SLFN14: variants seen among roughly 807,000 people sequenced by gnomAD.
SLFN14 encodes the protein schlafen family member 14, also known as protein SLFN14.
A neutral mutation model predicts 58.6 loss-of-function variants in SLFN14; 47 were observed. The observed-to-expected ratio is 0.80, with a 90% CI of 0.64 to 1.02. The LOEUF (loss-of-function observed/expected upper bound fraction) is 1.02. Among genes scored for constraint, SLFN14 ranks in the 50% least tolerant of loss-of-function variants. The pLI, the probability that SLFN14 is intolerant of heterozygous loss-of-function variation, is 0.00. For missense variants in SLFN14, 967 were observed against 1,078.4 expected, an observed-to-expected ratio of 0.90 and a Z score of 1.45; for synonymous variants, 390 against 387.3, an observed-to-expected ratio of 1.01 and a Z score of -0.08.
rs1308439580 is a variant in SLFN14 at position 35,547,117 on chromosome 17, G to A, written c.*1122C>T. Among the ~76,000 whole-genome samples the A allele has an allele frequency of 6.6e-6, 1 of 152,130 alleles. No individual in the cohort carries two copies. Among genetic ancestry groups the A allele is most frequent in the Non-Finnish European group, 1.5e-5 (1 of 68,014 alleles). ...TAGGCAAAATTTGTATATGTTGGGG[G>A]CAGTAAGGAGAGGGTTGGTGGTGAA... On this transcript the variant is annotated 3_prime_UTR_variant, in exon 6 of 6. Coordinates refer to ENST00000674182, the MANE Select transcript of SLFN14 (RefSeq NM_001129820.2).
Position 35,553,024 on chromosome 17 carries a change from T to A in SLFN14, c.1610A>T (p.Asp537Val). The A allele has an allele frequency of 1.9e-6, 3 of 1,551,550 alleles. No homozygotes were observed. The highest frequency in any genetic ancestry group is 2.6e-6 in the Non-Finnish European group (3 of 1,146,956). ...CAGCAAGTCTTCCATTTCCTCCTCA[T>A]CAGCAAGCCTGTAGGACCTGGGGTA... The part of the protein sequence containing the change: ...LRYPRSYRLA[D>V]EEEMEDLLQA... Residue 537 changes from aspartate to valine, a missense_variant, in exon 5 of 6, where the codon GAT (aspartate) becomes GTT (valine). Asp to Val is a radical substitution (Grantham distance 152). Transcript: ENST00000674182.
Position 35,548,626 on chromosome 17 carries a change from C to T in SLFN14, c.2352G>A (p.Glu784=). 6.4e-7 allele frequency: 1 copy of T among 1,551,772 alleles called. No individual in the cohort carries two copies. Among genetic ancestry groups the T allele is most frequent in the Non-Finnish European group, 8.7e-7 (1 of 1,147,010 alleles). ...GTTCTGTTGTCAGATTAGTCTTTGTCTCACACACCCCAGGCAGAGCCTGGG... is the reference window on the plus strand; with the variant it reads ...GTTCTGTTGTCAGATTAGTCTTTGTTTCACACACCCCAGGCAGAGCCTGGG... ...TCAQALPGVC[E]TKTNLTTEQI... The change falls in exon 6 of 6, where the codon GAG becomes GAA. Residue 784 remains glutamate (E), a synonymous_variant. Coordinates refer to ENST00000674182, the MANE Select transcript of SLFN14 (RefSeq NM_001129820.2).
At chr17:35,552,623 T>C (rs1361472376) in intron 5 of SLFN14, 107 bp downstream of exon 5, 2 of 364,854 alleles carry the variant, frequency 5.5e-6, no homozygotes, top group South Asian at 1.1e-4. Context: ...TGTATATATA[T>C]ACACATATAT....
rs1479216278 is a variant in SLFN14 at position 35,547,339 on chromosome 17, G to C, written c.*900C>G. 6.6e-6 allele frequency among the ~76,000 whole-genome samples: 1 copy of C among 152,200 alleles called. No individual in the cohort carries two copies. Among genetic ancestry groups the C allele is most frequent in the Non-Finnish European group, 1.5e-5 (1 of 68,030 alleles). ...TATTTTATATTAAGTTGGTGCAAAA[G>C]TAATTGTGGCTTTTGCACTTTTGCA... is the stretch of plus-strand genomic sequence containing the variant. On this transcript the variant is annotated 3_prime_UTR_variant, in exon 6 of 6. Transcript: ENST00000674182.
At chr17:35,556,152 C>T (rs530537022) in intron 3 of SLFN14, among the ~76,000 whole-genome samples, 1 of 152,068 alleles carries the variant, frequency 6.6e-6, no homozygotes, top group Non-Finnish European at 1.5e-5. Context: ...ATCCTCCCAC[C>T]TCAGCCTCCC....
chr17:35,560,035 A>C (rs1414742258), intron 1 of SLFN14, among the ~76,000 whole-genome samples: 1 of 152,182 alleles, frequency 6.6e-6, no homozygotes. Flanking sequence ...AACAAGTTGC[A>C]AACCTCCAGC....
At position 35,548,655 on chromosome 17, in the gene SLFN14, A is replaced by G; in HGVS notation, c.2323T>C (p.Cys775Arg). 1 of 1,551,730 alleles carries G rather than the reference A, an allele frequency of 6.4e-7. No homozygotes were observed. Among genetic ancestry groups the G allele is most frequent in the Non-Finnish European group, 8.7e-7 (1 of 1,147,000 alleles). Residue 775 changes from cysteine (C) to arginine (R), a missense_variant, in exon 6 of 6, where the codon TGT (cysteine) becomes CGT (arginine). Physicochemically the swap from Cys to Arg is radical, Grantham distance 180. Coordinates refer to ENST00000674182, the MANE Select transcript of SLFN14 (RefSeq NM_001129820.2). ...CACACCCCAGGCAGAGCCTGGGCAC[A>G]CGTTGCTTCCTCATAGGCAGTCTCG... ...FSETAYEEAT[C>R]AQALPGVCET...
At position 35,557,164 on chromosome 17, in the gene SLFN14, T is replaced by C; in HGVS notation, c.899A>G (p.Tyr300Cys). The C allele has an allele frequency of 6.4e-7, 1 of 1,551,750 alleles. No homozygotes were observed. Among genetic ancestry groups the C allele is most frequent in the Non-Finnish European group, 8.7e-7 (1 of 1,146,994 alleles). Residue 300 changes from tyrosine (Y) to cysteine (C), a missense_variant, in exon 3 of 6, where the codon TAC becomes TGC. By Grantham distance (194) the Tyr-to-Cys change is radical. Coordinates refer to ENST00000674182, the MANE Select transcript of SLFN14 (RefSeq NM_001129820.2). ...ATAACCATCCAGGACATCTTTTTGG[T>C]ACACATTCAGGATTTTTGTAGTGAA... ...VNFTTKILNV[Y>C]QKDVLDGYVC... is the part of the protein sequence containing the mutation.
In SLFN14 at chr17:35,553,339, G is replaced by A. The variant is rs904083545; in HGVS notation, c.1295C>T (p.Ser432Phe). 4.5e-6 allele frequency: 7 copies of A among 1,551,454 alleles called. No individual in the cohort carries two copies. The African/African-American group carries it at 9.6e-5, about 21-fold the overall frequency. The change falls in exon 5 of 6, where the codon TCT (serine) becomes TTT (phenylalanine). Residue 432 changes from serine (S) to phenylalanine (F), a missense_variant. Transcript: ENST00000674182. ...GLMKTLIHPC[S>F]QGIVIFSRSW... ...TCTAGAAAATATCACAATCCCCTGA[G>A]AACAAGGATGTATCAGGGTCTTCAT... is the stretch of plus-strand genomic sequence containing the variant.
rs937105154 is a variant in SLFN14, at chr17:35,545,143, C to A, written c.*3096G>T. On this transcript the variant is annotated 3_prime_UTR_variant, in exon 6 of 6. Coordinates refer to ENST00000674182, the MANE Select transcript of SLFN14 (RefSeq NM_001129820.2). ...TGTTGCCTAAAAACAATTGAGTTGCCTTTATTGTTCCCTTATTCTTCATTA... is the reference window on the plus strand; with the variant it reads ...TGTTGCCTAAAAACAATTGAGTTGCATTTATTGTTCCCTTATTCTTCATTA... Among the ~76,000 whole-genome samples the A allele has an allele frequency of 6.6e-6, 1 of 151,910 alleles. No homozygotes were observed. The highest frequency in any genetic ancestry group is 1.5e-5 in the Non-Finnish European group (1 of 67,976).
intron 3 of SLFN14, among the ~76,000 whole-genome samples, chr17:35,555,706 G>T (rs2072646331): frequency 1.3e-5 from 2 of 152,156 alleles, no homozygotes; most frequent in Admixed American, 1.3e-4. Context: ...AATCACTCAA[G>T]TTTTGATGAA....
rs1410253908 is a variant in SLFN14, at chr17:35,546,578, AAC to A, written c.*1659_*1660del. Among the ~76,000 whole-genome samples, 15 of 152,242 alleles carry A rather than the reference AAC, an allele frequency of 9.9e-5. No individual in the cohort carries two copies. The highest frequency in any genetic ancestry group is 9.2e-4 in the Admixed American group (14 of 15,276). ...ATCCTAAACTTTTCTAGAAGTTAAA[AAC>A]AGTTTGGAAATATGAATACTTCCAA... On this transcript the variant is annotated 3_prime_UTR_variant, in exon 6 of 6. Transcript: ENST00000674182.
chr17:35,554,773 C>G, intron 3 of SLFN14, 69 bp from the exon 4 acceptor site: 1 of 1,117,402 alleles, frequency 8.9e-7, no homozygotes. Context: ...AAAAAAGCCT[C>G]TTTTTTTGGC....
In SLFN14 at chr17:35,548,403, G is replaced by A. The variant is rs1332707602; in HGVS notation, c.2575C>T (p.His859Tyr). The part of the protein sequence containing the change: ...FSPATGVWGS[H>Y]IVLDSIQQFS... ...TGCTGAATACTGTCTAAAACAATGT[G>A]ACTTCCCCAAACACCGGTGGCCGGG... is the stretch of plus-strand genomic sequence containing the variant. The change falls in exon 6 of 6, where the codon CAC (histidine) becomes TAC (tyrosine). Residue 859 changes from histidine (H) to tyrosine (Y), a missense_variant. Physicochemically the swap from His to Tyr is moderately conservative, Grantham distance 83. Coordinates refer to ENST00000674182, the MANE Select transcript of SLFN14 (RefSeq NM_001129820.2). 2 of 1,551,702 alleles carry A rather than the reference G, an allele frequency of 1.3e-6. No homozygotes were observed. The highest frequency in any genetic ancestry group is 1.7e-4 in the Middle Eastern group (1 of 5,992).
rs2072535056 is a variant in SLFN14 at position 35,546,417 on chromosome 17, G to A, written c.*1822C>T. The stretch of plus-strand genomic sequence containing the variant: ...CCTTCTAATGGGCCTAAGCAATTCA[G>A]AAAGGCAGCTAAGAGAGCTTCTCGA... On this transcript the variant is annotated 3_prime_UTR_variant, in exon 6 of 6. Coordinates refer to ENST00000674182, the MANE Select transcript of SLFN14 (RefSeq NM_001129820.2). Among the ~76,000 whole-genome samples, 1 of 152,192 alleles carries A rather than the reference G, an allele frequency of 6.6e-6. No individual in the cohort carries two copies. The highest frequency in any genetic ancestry group is 1.5e-5 in the Non-Finnish European group (1 of 68,040).
rs2072520487 is a variant in SLFN14 at position 35,544,500 on chromosome 17, A to T, written c.*3739T>A. 6.6e-6 allele frequency among the ~76,000 whole-genome samples: 1 copy of T among 151,788 alleles called. No individual in the cohort carries two copies. The highest frequency in any genetic ancestry group is 1.5e-5 in the Non-Finnish European group (1 of 67,948). On this transcript the variant is annotated 3_prime_UTR_variant, in exon 6 of 6. Coordinates refer to ENST00000674182, the MANE Select transcript of SLFN14 (RefSeq NM_001129820.2). Reference sequence around the variant, plus strand: ...AAATAAGCAAAAATGAAAAAATGTTACACCCAGATAACAAGATGATTTAAG... The same window carrying T: ...AAATAAGCAAAAATGAAAAAATGTTTCACCCAGATAACAAGATGATTTAAG...
rs765890202 is a variant in SLFN14, at chr17:35,549,085, G to GA, written c.1905-13dup. ...AGGTGGTTTGTTGGCTGTAAGGACG[G>GA]AAAAAACAGGGCTTGAGGCATATCA... On this transcript the variant is annotated splice_polypyrimidine_tract_variant and intron_variant, in intron 5 of 5. Transcript: ENST00000674182. 1.3e-4 allele frequency: 193 copies of GA among 1,543,830 alleles called. No homozygotes were observed. Among genetic ancestry groups the GA allele is most frequent in the Non-Finnish European group, 1.6e-4 (182 of 1,142,520 alleles).
rs530966796 is a variant in SLFN14, at chr17:35,551,291, C to T, written c.1904+1439G>A. Among the ~76,000 whole-genome samples, 3 of 152,266 alleles carry T rather than the reference C, an allele frequency of 2.0e-5. No homozygotes were observed. The East Asian group carries it at 5.8e-4, about 29-fold the overall frequency. On this transcript the variant is annotated intron_variant, in intron 5 of 5. Coordinates refer to ENST00000674182, the MANE Select transcript of SLFN14 (RefSeq NM_001129820.2). ...AATATATTTTTGTGTGTGTGTGCAA[C>T]CAACTCCCAGCACATCAGGTGGGTA...
intron 5 of SLFN14, among the ~76,000 whole-genome samples, chr17:35,549,477 G>T (rs982824730): frequency 6.6e-6 from 1 of 152,026 alleles, no homozygotes; most frequent in African/African-American, 2.4e-5. Context: ...CAGTTTCCTC[G>T]ATGCATATCA....
Sources: gnomAD v4.1 joint callset for allele counts (sites outside exome capture counted in the v4.1 genomes callset) on GRCh38, gnomAD v4.1.1 for gene constraint, MANE v1.5 for transcripts, NCBI Gene and HGNC (gene_info 2026-07-23, HGNC 2026-07-21) for gene names.